CALN1: variants seen among roughly 807,000 people sequenced by gnomAD.
CALN1 encodes calneuron 1.
CALN1 carries 17 observed loss-of-function variants against 30.6 expected under a neutral mutation model. The observed-to-expected ratio is 0.56, with a 90% CI of 0.38 to 0.83. The LOEUF (loss-of-function observed/expected upper bound fraction) is 0.83, where lower values mean the gene tolerates loss of function less well. Ranked by LOEUF, CALN1 falls within the 40% of genes least tolerant of loss-of-function variation. The pLI is 0.00. For synonymous variants in CALN1, 156 were observed against 131.4 expected, an observed-to-expected ratio of 1.19 and a Z score of -1.28; for missense variants, 291 against 354.9, an observed-to-expected ratio of 0.82 and a Z score of 1.45.
intron 2 of CALN1, among the ~76,000 whole-genome samples, chr7:72,285,149 T>C (rs769128950): frequency 2.0e-5 from 3 of 152,330 alleles, no homozygotes; most frequent in Admixed American, 6.5e-5. Context: ...ATTTAGAGCA[T>C]TGCCCCAACT....
intron 3 of CALN1, among the ~76,000 whole-genome samples, chr7:72,227,541 AAAAAAAAAG>A (rs138688728): frequency 0.53 from 77,828 of 147,456 alleles, 20,647 homozygotes; most frequent in South Asian, 0.64. Context: ...CTCCGTCTCA[AAAAAAAAAG>A]AAAAAAAAGA....
At chr7:72,308,577 C>G (rs1007547624) in intron 2 of CALN1, among the ~76,000 whole-genome samples, 1 of 152,126 alleles carries the variant, frequency 6.6e-6, no homozygotes, top group Non-Finnish European at 1.5e-5. Flanking sequence ...ATCCTGTCCC[C>G]CTGGGAACTG....
chr7:72,335,760 T>G (rs1801981239), intron 2 of CALN1, among the ~76,000 whole-genome samples: 1 of 152,216 alleles, frequency 6.6e-6, no homozygotes, highest in African/African-American at 2.4e-5. Context: ...GAAACGATGG[T>G]GGGCTGGTGG....
At chr7:72,204,902 C>T (rs1293986385) in intron 3 of CALN1, among the ~76,000 whole-genome samples, 1 of 152,096 alleles carries the variant, frequency 6.6e-6, no homozygotes, top group Non-Finnish European at 1.5e-5. Flanking sequence ...CGTTTTTAAA[C>T]TGCTGTACAC....
intron 5 of CALN1, among the ~76,000 whole-genome samples, chr7:71,871,333 C>T (rs1022578708): frequency 6.6e-6 from 1 of 152,174 alleles, no homozygotes; most frequent in Non-Finnish European, 1.5e-5. Context: ...CATCAAGCCT[C>T]ATTTCCCCGG....
intron 3 of CALN1, among the ~76,000 whole-genome samples, chr7:72,125,564 G>C (rs568127380): frequency 6.6e-6 from 1 of 152,070 alleles, no homozygotes; most frequent in Non-Finnish European, 1.5e-5. Context: ...AGTAGACAGC[G>C]GTACAGAATT....
intron 5 of CALN1, among the ~76,000 whole-genome samples, chr7:71,900,974 G>A (rs1793815113): frequency 6.6e-6 from 1 of 152,110 alleles, no homozygotes; most frequent in Non-Finnish European, 1.5e-5. Context: ...AATCATGTAA[G>A]ACTCACATAA....
chr7:72,336,557 C>T (rs1400813900), intron 2 of CALN1: 2 of 391,738 alleles, frequency 5.1e-6, no homozygotes, highest in Non-Finnish European at 7.0e-6. Flanking sequence ...GTACGGGAGG[C>T]GCTGTCTGCC....
chr7:72,059,365 C>T (rs544077120), intron 4 of CALN1, among the ~76,000 whole-genome samples: 1 of 152,144 alleles, frequency 6.6e-6, no homozygotes, highest in Admixed American at 6.5e-5. Flanking sequence ...CTTCAATAAC[C>T]CATGTCAAGA....
chr7:72,406,620 T>TTTTTC lies in CALN1; in HGVS notation c.-73-3179_-73-3178insGAAAA, dbSNP rs1806714874. Among the ~76,000 whole-genome samples, 9 of 55,342 alleles carry TTTTTC rather than the reference T, an allele frequency of 1.6e-4. No individual in the cohort carries two copies. In the South Asian group the frequency reaches 5.3e-3, roughly 32 times the overall value. The allele number at this position is 55,342 out of a possible 152,430, so 36.3% of individuals were successfully genotyped here. On this transcript the variant is annotated intron_variant, in intron 1 of 6. Transcript: ENST00000395275. ...CACATGAGGGTCCTTGTCAGCTTTT[T>TTTTTC]TTTTTTTCTTTTTTAAGACGGAGTC... is the stretch of plus-strand genomic sequence containing the variant.
chr7:72,284,874 G>C (rs921941134), intron 2 of CALN1, among the ~76,000 whole-genome samples: 1 of 152,002 alleles, frequency 6.6e-6, no homozygotes, highest in South Asian at 2.1e-4. Context: ...TGGATAGGTA[G>C]GTAGGTAGAT....
chr7:72,284,134 AT>A (rs1481850941), intron 2 of CALN1, among the ~76,000 whole-genome samples: 20 of 152,014 alleles, frequency 1.3e-4, no homozygotes, highest in Non-Finnish European at 2.6e-4. Flanking sequence ...CTACAGAAAA[AT>A]TTTAAAAATT....
intron 4 of CALN1, among the ~76,000 whole-genome samples, chr7:72,084,067 G>C (rs1484315664): frequency 6.6e-6 from 1 of 151,868 alleles, no homozygotes; most frequent in Non-Finnish European, 1.5e-5. Flanking sequence ...AAATTAGCTG[G>C]GCATGGTGGT....
At chr7:72,163,866 T>C (rs1788320470) in intron 3 of CALN1, among the ~76,000 whole-genome samples, 1 of 151,988 alleles carries the variant, frequency 6.6e-6, no homozygotes, top group Non-Finnish European at 1.5e-5. Context: ...TATTTGAATA[T>C]ATAACAAGTG....
intron 5 of CALN1, among the ~76,000 whole-genome samples, chr7:71,943,566 G>A (rs958660615): frequency 2.6e-5 from 4 of 151,608 alleles, no homozygotes; most frequent in African/African-American, 4.8e-5. Context: ...TCAGCCTCCC[G>A]AGTAGCTGAG....
chr7:72,099,237 T>G (rs1467253847), intron 4 of CALN1, among the ~76,000 whole-genome samples: 1 of 150,016 alleles, frequency 6.7e-6, no homozygotes, highest in Non-Finnish European at 1.5e-5. Context: ...ATGGTCATCC[T>G]ACAGCGAAGA....
At position 72,130,094 on chromosome 7, in the gene CALN1, A is replaced by T. The variant is rs183708445; in HGVS notation, c.245-23800T>A. On this transcript the variant is annotated intron_variant, in intron 3 of 6. Transcript: ENST00000395275. ...CCCCCACCAGGCTTCCTCTCTCACC[A>T]TGTGATCTCTTTGCACACATCCGCT... 1.6e-4 allele frequency among the ~76,000 whole-genome samples: 25 copies of T among 152,174 alleles called. No individual in the cohort carries two copies. The East Asian group carries it at 4.9e-3, about 30-fold the overall frequency.
At chr7:71,829,845 A>G (rs1297507420) in intron 5 of CALN1, among the ~76,000 whole-genome samples, 1 of 152,194 alleles carries the variant, frequency 6.6e-6, no homozygotes, top group Non-Finnish European at 1.5e-5. Flanking sequence ...AATAAACAAC[A>G]GAGAAAATTC....
At chr7:72,325,341 C>G (rs1405829644) in intron 2 of CALN1, among the ~76,000 whole-genome samples, 1 of 152,028 alleles carries the variant, frequency 6.6e-6, no homozygotes, top group Admixed American at 6.6e-5. Context: ...TGGCTCATGC[C>G]TGTAATTCCA....
Sources: allele counts gnomAD v4.1 joint callset (sites outside exome capture counted in the v4.1 genomes callset), GRCh38; gene constraint gnomAD v4.1.1; transcripts MANE v1.5; gene names NCBI Gene and HGNC (gene_info 2026-07-23, HGNC 2026-07-21).